NUDC: variants seen among roughly 807,000 people sequenced by gnomAD.
NUDC encodes the protein nuclear distribution C, dynein complex regulator.
In NUDC, 14 loss-of-function variants were observed where a neutral mutation model predicts 45.0. The ratio of observed to expected loss-of-function variants is 0.31; its 90% CI spans 0.21 to 0.49. The LOEUF (loss-of-function observed/expected upper bound fraction) is 0.49, where lower values mean the gene tolerates loss of function less well. Among genes scored for constraint, NUDC ranks in the 20% least tolerant of loss-of-function variants. NUDC has a pLI of 0.99. For synonymous variants in NUDC, 153 were observed against 156.7 expected, an observed-to-expected ratio of 0.98 and a Z score of 0.17; for missense variants, 323 against 426.2, an observed-to-expected ratio of 0.76 and a Z score of 2.13.
rs758803019 is a variant in NUDC, at chr1:26,942,987, G to C, written c.663G>C (p.Glu221Asp). Reference protein sequence around the residue: ...LKGQPAIIDGELYNEVKVEES... With the variant: ...LKGQPAIIDGDLYNEVKVEES... ...GGCAGCCAGCGATCATTGATGGGGA[G>C]CTCTACAATGAAGTGAAGGTGGAGG... The change falls in exon 6 of 9, where the codon GAG becomes GAC. Residue 221 changes from glutamate (E) to aspartate (D), a missense_variant. By Grantham distance (45) the Glu-to-Asp change is conservative. Around this residue, in one of 3 missense-constraint regions of NUDC, gnomAD observed 245 missense variants for 278.8 expected, o/e 0.88. Transcript: ENST00000321265. 5.0e-6 allele frequency: 8 copies of C among 1,614,188 alleles called. No individual in the cohort carries two copies. In the Admixed American group the frequency reaches 1.2e-4, roughly 24 times the overall value.
Position 26,921,827 on chromosome 1 carries a change from GA to G in NUDC, c.-21del. 1 of 1,549,320 alleles carries G rather than the reference GA, an allele frequency of 6.5e-7. No individual in the cohort carries two copies. Among genetic ancestry groups the G allele is most frequent in the South Asian group, 1.2e-5 (1 of 83,986 alleles). ...GCGGGACTAGAGTGCAGAGCTCCGG[GA>G]CGTGGATCGGAGCCGGCGCGATGGG... On this transcript the variant is annotated 5_prime_UTR_variant, in exon 1 of 9. Coordinates refer to ENST00000321265, the MANE Select transcript of NUDC (RefSeq NM_006600.4).
At chr1:26,935,894 G>C (rs71636800) in intron 2 of NUDC, among the ~76,000 whole-genome samples, 10,078 of 150,904 alleles carry the variant, frequency 0.067, 379 homozygotes, top group Non-Finnish European at 0.078. Flanking sequence ...TTGGGAGGCT[G>C]AGGTGGTAGG....
chr1:26,900,518 GAGATTGTGAAAATTCTA>G lies in NUDC; in HGVS notation c.-101+120_-101+136del. On this transcript the variant is annotated intron_variant, in intron 1 of 6. Coordinates refer to the NUDC transcript ENST00000435827. Reference sequence around the variant, plus strand: ...AGCAACGTTCCAGCCCCTGCGTTGCGAGATTGTGAAAATTCTAACTAGTCCTTTGGGATTGGGGTTGT... The same window carrying G: ...AGCAACGTTCCAGCCCCTGCGTTGCGACTAGTCCTTTGGGATTGGGGTTGT... The G allele has an allele frequency of 4.7e-6, 6 of 1,265,536 alleles. No homozygotes were observed. In the South Asian group the frequency reaches 8.4e-5, roughly 18 times the overall value. The allele number at this position is 1,265,536 out of a possible 1,614,324, so 78.4% of individuals were successfully genotyped here. A position where few individuals can be genotyped will look rare whatever the true frequency, so the allele number is the denominator to read the frequency against.
At chr1:26,933,030 C>T (rs146678194) in intron 2 of NUDC, among the ~76,000 whole-genome samples, 71 of 152,040 alleles carry the variant, frequency 4.7e-4, no homozygotes, top group African/African-American at 1.6e-3. Context: ...TGCAGTGGCA[C>T]GATCTTGGCT....
At chr1:26,945,890 T>C (rs1330777608) in intron 8 of NUDC, among the ~76,000 whole-genome samples, 1 of 152,066 alleles carries the variant, frequency 6.6e-6, no homozygotes, top group Non-Finnish European at 1.5e-5. Context: ...TGGTGCATGA[T>C]AGGAGGGAAG....
upstream of NUDC, among the ~76,000 whole-genome samples, chr1:26,920,682 G>A (rs756345133): frequency 1.3e-5 from 2 of 151,756 alleles, no homozygotes; most frequent in Non-Finnish European, 2.9e-5. Flanking sequence ...AGCACTTTGA[G>A]AGGCTGAGGC....
chr1:26,910,529 T>C (rs2082021150), intron 2 of NUDC, among the ~76,000 whole-genome samples: 1 of 152,176 alleles, frequency 6.6e-6, no homozygotes, highest in Non-Finnish European at 1.5e-5. Context: ...TAGACTGTTA[T>C]CCCCAAGTGA....
At chr1:26,907,598 ATGCGTCAGC>A (rs1180752526) in intron 2 of NUDC, among the ~76,000 whole-genome samples, 1 of 151,090 alleles carries the variant, frequency 6.6e-6, no homozygotes, top group Non-Finnish European at 1.5e-5. Flanking sequence ...GGGACACAGC[ATGCGTCAGC>A]TGTCTGACTA....
chr1:26,942,229 T>C (rs374700347), intron 4 of NUDC, among the ~76,000 whole-genome samples: 153 of 152,052 alleles, frequency 1.0e-3, no homozygotes, highest in African/African-American at 3.5e-3. Context: ...AGGCGGAGGT[T>C]GCCATGAGCC....
At chr1:26,915,059 A>ATATATATATATATATG (rs2082055428) in intron 3 of NUDC, among the ~76,000 whole-genome samples, 1 of 99,946 alleles carries the variant, frequency 1.0e-5, no homozygotes, top group South Asian at 2.9e-4. Context: ...ACATACATAC[A>ATATATATATATATATG]TATATATATA....
exon 2 of NUDC, chr1:26,902,301 C>T (rs577790377): frequency 1.4e-4 from 21 of 152,366 alleles, no homozygotes; most frequent in African/African-American, 4.6e-4. Context: ...CTTTGGCTTA[C>T]CCTCAGCTTG....
At chr1:26,900,533 C>G in intron 1 of NUDC, 1 of 1,045,216 alleles carries the variant, frequency 9.6e-7, no homozygotes, top group Non-Finnish European at 1.4e-6. Context: ...TGTGAAAATT[C>G]TAACTAGTCC....
chr1:26,926,166 C>T (rs533221502), intron 2 of NUDC, among the ~76,000 whole-genome samples: 1 of 152,158 alleles, frequency 6.6e-6, no homozygotes. Context: ...CAGGCGTGAG[C>T]CACCACGCCC....
rs376540135 is a variant in NUDC at position 26,913,631 on chromosome 1, C to G, written c.93+2396C>G. On this transcript the variant is annotated intron_variant, in intron 3 of 6. Coordinates refer to the NUDC transcript ENST00000435827. The stretch of plus-strand genomic sequence containing the variant: ...GCCTCAGCCACCTCAAAGGTCACAG[C>G]ATCTTGGGCCAACCCAAGCAGGAAG... The G allele has an allele frequency of 8.7e-5, 140 of 1,613,918 alleles. No individual in the cohort carries two copies. Among genetic ancestry groups the G allele is most frequent in the Non-Finnish European group, 1.1e-4 (131 of 1,180,008 alleles).
chr1:26,931,753 G>A (rs2124113921), intron 2 of NUDC, among the ~76,000 whole-genome samples: 1 of 150,114 alleles, frequency 6.7e-6, no homozygotes, highest in African/African-American at 2.4e-5. Context: ...CTCCAGCCTG[G>A]CGACAGAACG....
chr1:26,935,085 G>A (rs1461774468), intron 2 of NUDC, among the ~76,000 whole-genome samples: 10 of 151,728 alleles, frequency 6.6e-5, no homozygotes, highest in South Asian at 2.1e-4. Flanking sequence ...GGGTTCAAGC[G>A]ATTCTCCTGC....
At chr1:26,922,102 G>T (rs991608353) in intron 1 of NUDC, 173 bp downstream of exon 1, 22 of 671,072 alleles carry the variant, frequency 3.3e-5, no homozygotes, top group Non-Finnish European at 5.7e-5. Context: ...GTCTCACCCG[G>T]TTCGCATCAG....
intron 5 of NUDC, 24 bp from the exon 6 acceptor site, chr1:26,942,847 T>C (rs760839405): frequency 1.6e-5 from 26 of 1,613,866 alleles, no homozygotes; most frequent in Non-Finnish European, 2.1e-5. Flanking sequence ...AGTGGCCTCT[T>C]CTGACTGCCT....
intron 2 of NUDC, chr1:26,929,623 G>T: frequency 3.6e-6 from 1 of 277,368 alleles, no homozygotes; most frequent in Non-Finnish European, 7.8e-6. Context: ...AATCTTCGTG[G>T]GTACGGTGGG....
Sources: allele counts gnomAD v4.1 joint callset (sites outside exome capture counted in the v4.1 genomes callset), GRCh38; gene constraint gnomAD v4.1.1; regional missense constraint gnomAD v4.1.1; transcripts MANE v1.5; gene names NCBI Gene and HGNC (gene_info 2026-07-23, HGNC 2026-07-21).